CUX2: variants seen among roughly 807,000 people sequenced by gnomAD.
CUX2 encodes homeobox protein cut-like 2.
Under a neutral mutation model 144.8 loss-of-function variants are expected in CUX2, and 40 were observed. The observed-to-expected ratio is 0.28, with a 90% CI of 0.21 to 0.36. The LOEUF (loss-of-function observed/expected upper bound fraction) is 0.36, where lower values mean the gene tolerates loss of function less well. CUX2 is among the 10% of genes least tolerant of loss of function. CUX2 has a pLI of 1.00. For missense variants in CUX2, 1,615 were observed against 1,994.0 expected (o/e 0.81, Z 3.62); for synonymous variants, 827 against 875.6 (o/e 0.94, Z 0.98).
intron 1 of CUX2, among the ~76,000 whole-genome samples, chr12:111,105,621 T>C (rs1873554664): frequency 6.6e-6 from 1 of 151,916 alleles, no homozygotes; most frequent in Non-Finnish European, 1.5e-5. Flanking sequence ...TTCCCAGGAG[T>C]ATCAGGAGAA....
At chr12:111,236,573 C>T (rs1455546108) in intron 3 of CUX2, among the ~76,000 whole-genome samples, 1 of 152,122 alleles carries the variant, frequency 6.6e-6, no homozygotes, top group Non-Finnish European at 1.5e-5. Context: ...CTCTGAACCC[C>T]GTGCCCTGGG....
rs949495270 is a variant in CUX2, at chr12:111,190,612, G to A, written c.64-23588G>A. Among the ~76,000 whole-genome samples, 2 of 152,134 alleles carry A rather than the reference G, an allele frequency of 1.3e-5. No homozygotes were observed. The highest frequency in any genetic ancestry group is 2.1e-4 in the South Asian group (1 of 4,834). ...ATCTTTCCTGGACATCCAGAGAGAC[G>A]CCTGGCATTTTTAGCTGATCAATAG... On this transcript the variant is annotated intron_variant, in intron 1 of 21. Coordinates refer to ENST00000261726, the MANE Select transcript of CUX2 (RefSeq NM_015267.4). The surrounding 1 kb of genome is among the most constrained non-coding windows in gnomAD (Gnocchi z 4.0).
intron 1 of CUX2, among the ~76,000 whole-genome samples, chr12:111,075,195 A>G (rs111877540): frequency 0.024 from 3,546 of 150,172 alleles, 142 homozygotes; most frequent in African/African-American, 0.082. Flanking sequence ...AGCTGCTGCC[A>G]GGCACCCCTG....
chr12:111,132,047 C>T (rs114162181), intron 1 of CUX2, among the ~76,000 whole-genome samples: 2,501 of 152,368 alleles, frequency 0.016, 56 homozygotes, highest in African/African-American at 0.055. Context: ...AAACGTTCTC[C>T]ATGAGGGCCC....
At chr12:111,135,972 A>G (rs754474116) in intron 1 of CUX2, among the ~76,000 whole-genome samples, 1 of 152,184 alleles carries the variant, frequency 6.6e-6, no homozygotes, top group African/African-American at 2.4e-5. Context: ...ATGCACTCCT[A>G]CAATTAGTGT....
At chr12:111,070,803 TCTTA>T (rs1871228843) in intron 1 of CUX2, among the ~76,000 whole-genome samples, 1 of 152,196 alleles carries the variant, frequency 6.6e-6, no homozygotes, top group African/African-American at 2.4e-5. Context: ...CCAGTGACCC[TCTTA>T]CTGTCTCCAT....
At chr12:111,328,984 T>TCTCCCCC (rs1592975212) in intron 18 of CUX2, among the ~76,000 whole-genome samples, 1 of 93,032 alleles carries the variant, frequency 1.1e-5, no homozygotes, top group Non-Finnish European at 2.2e-5. Context: ...TCCCCCTCTC[T>TCTCCCCC]CCCTCTCTCC....
At chr12:111,074,290 G>GTC (rs1342519795) in intron 1 of CUX2, among the ~76,000 whole-genome samples, 77 of 152,094 alleles carry the variant, frequency 5.1e-4, no homozygotes, top group African/African-American at 1.9e-3. Flanking sequence ...CCCACCCCAG[G>GTC]TCTCTCGAAA....
chr12:111,321,392 C>A (rs2136402476), intron 17 of CUX2, among the ~76,000 whole-genome samples: 1 of 152,066 alleles, frequency 6.6e-6, no homozygotes, highest in East Asian at 1.9e-4. Flanking sequence ...TCACTTGAAC[C>A]TGGGAGGCAG....
At chr12:111,254,901 G>A (rs1883737171) in intron 3 of CUX2, among the ~76,000 whole-genome samples, 1 of 152,164 alleles carries the variant, frequency 6.6e-6, no homozygotes, top group Non-Finnish European at 1.5e-5. Flanking sequence ...CCAGGCTGGA[G>A]TGCAGTGGCA....
chr12:111,111,346 A>G (rs564290316), intron 1 of CUX2, among the ~76,000 whole-genome samples: 2 of 151,948 alleles, frequency 1.3e-5, no homozygotes, highest in Non-Finnish European at 2.9e-5. Flanking sequence ...CTTGGATCTC[A>G]GATGCCTCAT....
Position 111,328,884 on chromosome 12 carries a change from A to AT in CUX2, c.2927-5557_2927-5556insT, listed in dbSNP as rs1303937202. ...ATTACAGGCATGAGCTACTGCACCC[A>AT]GTCACCTCCATTGTCTTCTTTCTGT... On this transcript the variant is annotated intron_variant, in intron 18 of 21. Transcript: ENST00000261726. Among the ~76,000 whole-genome samples, 892 of 149,152 alleles carry AT rather than the reference A, an allele frequency of 6.0e-3. 13 individuals are homozygous for AT. The highest frequency in any genetic ancestry group is 0.021 in the African/African-American group (841 of 40,108).
intron 1 of CUX2, among the ~76,000 whole-genome samples, chr12:111,123,807 A>C (rs1874857250): frequency 6.6e-6 from 1 of 152,220 alleles, no homozygotes; most frequent in Admixed American, 6.5e-5. Flanking sequence ...AAGTGCTGGG[A>C]TTACAGGCGT....
chr12:111,062,679 T>C (rs1250460791), intron 1 of CUX2, among the ~76,000 whole-genome samples: 1 of 152,064 alleles, frequency 6.6e-6, no homozygotes, highest in Non-Finnish European at 1.5e-5. Context: ...TAATCACATA[T>C]TTGAAGTTGC....
Position 111,320,590 on chromosome 12 carries a change from G to A in CUX2, c.2581G>A (p.Ala861Thr). ...CAAGGCTGAGGGCGCGACGGCCGAGGCGGGCGCGCGGCTGCCCTACTACCC... is the reference window on the plus strand; with the variant it reads ...CAAGGCTGAGGGCGCGACGGCCGAGACGGGCGCGCGGCTGCCCTACTACCC... ...ELKAEGATAE[A>T]GARLPYYPAY... The change falls in exon 17 of 22, where the codon GCG becomes ACG. Residue 861 changes from alanine to threonine, a missense_variant. Coordinates refer to ENST00000261726, the MANE Select transcript of CUX2 (RefSeq NM_015267.4). The surrounding 1 kb of genome is among the most constrained non-coding windows in gnomAD (Gnocchi z 8.1). 6.6e-7 allele frequency: 1 copy of A among 1,525,334 alleles called. No individual in the cohort carries two copies. Among genetic ancestry groups the A allele is most frequent in the African/African-American group, 1.4e-5 (1 of 71,204 alleles). The allele number at this position is 1,525,334 out of a possible 1,614,324, so 94.5% of individuals were successfully genotyped here. A position where few individuals can be genotyped will look rare whatever the true frequency, so the allele number is the denominator to read the frequency against.
At position 111,312,326 on chromosome 12, in the gene CUX2, A is replaced by G; in HGVS notation, c.2002+125A>G. On this transcript the variant is annotated intron_variant, in intron 16 of 21. Transcript: ENST00000261726. The surrounding 1 kb of genome is among the most constrained non-coding windows in gnomAD (Gnocchi z 4.3). ...AGGTGGATCAGAACCACCAGAGGCCAGAGGGACCTGTCTAGAGCGCATGGG... is the reference window on the plus strand; with the variant it reads ...AGGTGGATCAGAACCACCAGAGGCCGGAGGGACCTGTCTAGAGCGCATGGG... 1.3e-6 allele frequency: 1 copy of G among 773,982 alleles called. No individual in the cohort carries two copies. Among genetic ancestry groups the G allele is most frequent in the South Asian group, 1.8e-5 (1 of 56,584 alleles). 47.9% of individuals were successfully genotyped at this position (773,982 alleles called of 1,614,324 possible).
intron 1 of CUX2, among the ~76,000 whole-genome samples, chr12:111,197,807 A>AGCCC: frequency 6.6e-6 from 1 of 152,216 alleles, no homozygotes; most frequent in Non-Finnish European, 1.5e-5. Context: ...AGAGGTTCAC[A>AGCCC]CAGTGAAATA....
chr12:111,228,416 G>C (rs1179739082), intron 3 of CUX2, among the ~76,000 whole-genome samples: 3 of 150,608 alleles, frequency 2.0e-5, no homozygotes, highest in Non-Finnish European at 4.4e-5. Flanking sequence ...GAAAACTATG[G>C]TGTGTGTGTG....
intron 1 of CUX2, among the ~76,000 whole-genome samples, chr12:111,189,793 G>A (rs759850455): frequency 5.9e-5 from 9 of 152,190 alleles, no homozygotes; most frequent in Non-Finnish European, 1.3e-4. Flanking sequence ...CTGCTGGCCT[G>A]TGACCATACT....
Sources: allele counts gnomAD v4.1 joint callset (sites outside exome capture counted in the v4.1 genomes callset), GRCh38; gene constraint gnomAD v4.1.1; non-coding constraint Gnocchi (gnomAD v3.1); transcripts MANE v1.5; gene names NCBI Gene and HGNC (gene_info 2026-07-23, HGNC 2026-07-21).